Variants in FBXO34 observed in about 807,000 individuals in gnomAD.
FBXO34 encodes the protein F-box only protein 34.
FBXO34 carries 12 observed loss-of-function variants against 24.5 expected under a neutral mutation model. The ratio of observed to expected loss-of-function variants is 0.49; its 90% CI spans 0.31 to 0.79. The LOEUF (loss-of-function observed/expected upper bound fraction) is 0.79, where lower values mean the gene tolerates loss of function less well. Among genes scored for constraint, FBXO34 ranks in the 30% least tolerant of loss-of-function variants. The pLI, the probability that FBXO34 is intolerant of heterozygous loss-of-function variation, is 0.04. For synonymous variants in FBXO34, 320 were observed against 311.9 expected, an observed-to-expected ratio of 1.03 and a Z score of -0.27; for missense variants, 823 against 857.7, an observed-to-expected ratio of 0.96 and a Z score of 0.51.
At chr14:55,289,684 C>G (rs565424338) in intron 1 of FBXO34, among the ~76,000 whole-genome samples, 5 of 152,204 alleles carry the variant, frequency 3.3e-5, no homozygotes, top group African/African-American at 1.2e-4. Flanking sequence ...TACAGGCATG[C>G]ACCACTACGT....
intron 1 of FBXO34, among the ~76,000 whole-genome samples, chr14:55,301,827 G>T (rs972005576): frequency 6.6e-6 from 1 of 152,198 alleles, no homozygotes; most frequent in Non-Finnish European, 1.5e-5. Context: ...TTATGGAACA[G>T]TTAGAACAGA....
chr14:55,338,795 A>T (rs201255247), intron 1 of FBXO34, among the ~76,000 whole-genome samples: 1 of 151,976 alleles, frequency 6.6e-6, no homozygotes, highest in African/African-American at 2.4e-5. Context: ...AGTCCCAGCT[A>T]CTCGGGAGGC....
rs1884414655 is a variant in FBXO34, at chr14:55,352,259, A to G, written c.1869A>G (p.Arg623=). The change falls in exon 2 of 2, where the codon CGA becomes CGG. Residue 623 remains arginine (R), a synonymous_variant. Transcript: ENST00000313833. ...GGCCAGCAGATTCTCGCTGGGTTCGAGATCCACGCTATAGAGAGGATCCTT... is the reference window on the plus strand; with the variant it reads ...GGCCAGCAGATTCTCGCTGGGTTCGGGATCCACGCTATAGAGAGGATCCTT... ...NIRPADSRWV[R]DPRYREDPCK... The G allele has an allele frequency of 6.2e-7, 1 of 1,614,114 alleles. No homozygotes were observed. The highest frequency in any genetic ancestry group is 8.5e-7 in the Non-Finnish European group (1 of 1,180,044).
chr14:55,404,260 A>C, the FBXO34 span, among the ~76,000 whole-genome samples: 3,393 of 152,364 alleles, frequency 0.022, 132 homozygotes, highest in African/African-American at 0.078. Context: ...GGCTGAAAGT[A>C]GTTCAATTTT....
chr14:55,371,097 T>G (rs142429580), downstream of FBXO34, among the ~76,000 whole-genome samples: 40 of 152,252 alleles, frequency 2.6e-4, no homozygotes, highest in African/African-American at 8.7e-4. Flanking sequence ...AAGGTGCCGC[T>G]CTCTCCCTGC....
At chr14:55,377,494 GAAGA>G in the FBXO34 span, among the ~76,000 whole-genome samples, 3 of 152,176 alleles carry the variant, frequency 2.0e-5, no homozygotes, top group Admixed American at 6.5e-5. Flanking sequence ...AAGGGCTGGA[GAAGA>G]AATAGACGCA....
chr14:55,352,171 G>C lies in FBXO34; in HGVS notation c.1781G>C (p.Ser594Thr), dbSNP rs951638467. ...VKIFRLLPTK[S>T]LVALKCTCCY... ...ATCTTCAGGTTACTTCCCACCAAGA[G>C]TTTAGTGGCCCTTAAATGTACCTGC... Residue 594 changes from serine (S) to threonine (T), a missense_variant, in exon 2 of 2, where the codon AGT (serine) becomes ACT (threonine). Transcript: ENST00000313833. The C allele has an allele frequency of 6.2e-7, 1 of 1,614,138 alleles. No homozygotes were observed. Among genetic ancestry groups the C allele is most frequent in the South Asian group, 1.1e-5 (1 of 91,068 alleles).
the FBXO34 span, among the ~76,000 whole-genome samples, chr14:55,403,836 T>A: frequency 6.6e-6 from 1 of 152,228 alleles, no homozygotes; most frequent in African/African-American, 2.4e-5. Context: ...TTCTACAATG[T>A]TTGAGCTAAA....
chr14:55,280,263 G>A (rs1039479384), intron 1 of FBXO34, among the ~76,000 whole-genome samples: 4 of 152,084 alleles, frequency 2.6e-5, no homozygotes, highest in African/African-American at 4.8e-5. Flanking sequence ...GTAGAGCAGC[G>A]CTGTTGAGTA....
the FBXO34 span, among the ~76,000 whole-genome samples, chr14:55,441,603 A>G: frequency 6.6e-6 from 1 of 152,200 alleles, no homozygotes; most frequent in African/African-American, 2.4e-5. Flanking sequence ...AAAGCCACAT[A>G]CAAAACAGTG....
At chr14:55,382,074 G>A in the FBXO34 span, 1 of 1,614,166 alleles carries the variant, frequency 6.2e-7, no homozygotes, top group Non-Finnish European at 8.5e-7. Flanking sequence ...TGTCTCCGTT[G>A]TGATCGTCAC....
chr14:55,414,527 A>C, the FBXO34 span: 1 of 1,103,324 alleles, frequency 9.1e-7, no homozygotes, highest in Non-Finnish European at 1.3e-6. Flanking sequence ...CTAAAATTTC[A>C]TTGTATTGTC....
chr14:55,297,178 A>G (rs1882166673), intron 1 of FBXO34, among the ~76,000 whole-genome samples: 1 of 152,154 alleles, frequency 6.6e-6, no homozygotes, highest in South Asian at 2.1e-4. Context: ...CTGCAGCTCT[A>G]TTTTATAGGC....
At chr14:55,348,572 G>A (rs1307203699) in intron 1 of FBXO34, among the ~76,000 whole-genome samples, 2 of 151,846 alleles carry the variant, frequency 1.3e-5, no homozygotes, top group Non-Finnish European at 2.9e-5. Flanking sequence ...TTAATCACTA[G>A]GAATAAACTT....
chr14:55,413,649 A>T, the FBXO34 span: 2 of 403,014 alleles, frequency 5.0e-6, no homozygotes, highest in Non-Finnish European at 9.8e-6. Flanking sequence ...CTGGCGCTTC[A>T]GTTGAACTCA....
At chr14:55,300,041 C>T (rs993069628) in intron 1 of FBXO34, among the ~76,000 whole-genome samples, 1 of 152,048 alleles carries the variant, frequency 6.6e-6, no homozygotes, top group Non-Finnish European at 1.5e-5. Context: ...AAGATACAGA[C>T]TATATCTGCA....
chr14:55,311,543 C>T (rs1882741074), intron 1 of FBXO34, among the ~76,000 whole-genome samples: 1 of 152,120 alleles, frequency 6.6e-6, no homozygotes, highest in African/African-American at 2.4e-5. Context: ...TGAGGCAAGT[C>T]CCTTCCACCT....
At chr14:55,407,959 T>C in the FBXO34 span, among the ~76,000 whole-genome samples, 10 of 152,208 alleles carry the variant, frequency 6.6e-5, no homozygotes, top group African/African-American at 1.9e-4. Flanking sequence ...GGAAGTTTCA[T>C]GTGACTGAGG....
chr14:55,343,288 T>C (rs1014746485), intron 1 of FBXO34, among the ~76,000 whole-genome samples: 2 of 150,902 alleles, frequency 1.3e-5, no homozygotes, highest in Non-Finnish European at 2.9e-5. Flanking sequence ...TCTTGCTCTG[T>C]CGCCCAGAAC....
Sources: gnomAD v4.1 joint callset for allele counts (sites outside exome capture counted in the v4.1 genomes callset) on GRCh38, gnomAD v4.1.1 for gene constraint, MANE v1.5 for transcripts, NCBI Gene and HGNC (gene_info 2026-07-23, HGNC 2026-07-21) for gene names.